Variants in IGSF10 observed in about 807,000 individuals in gnomAD.
IGSF10 encodes the protein immunoglobulin superfamily member 10, also known as calvaria mechanical force protein 608.
IGSF10 carries 126 observed loss-of-function variants against 128.2 expected under a neutral mutation model. The ratio of observed to expected loss-of-function variants is 0.98; its 90% CI spans 0.85 to 1.14. The LOEUF is 1.14. Among genes scored for constraint, IGSF10 ranks in the 50% most tolerant of loss-of-function variants. The pLI is 0.00. For missense variants in IGSF10, 3,295 were observed against 3,149.8 expected (o/e 1.05, Z -1.10); for synonymous variants, 1,185 against 1,146.2 (o/e 1.03, Z -0.68).
At chr3:151,552,764 C>T in the IGSF10 span, among the ~76,000 whole-genome samples, 3 of 152,142 alleles carry the variant, frequency 2.0e-5, no homozygotes, top group East Asian at 1.9e-4. Flanking sequence ...TCTCATAGTT[C>T]GCTTTGCCTA....
At chr3:151,618,042 T>A in the IGSF10 span, among the ~76,000 whole-genome samples, 1 of 152,212 alleles carries the variant, frequency 6.6e-6, no homozygotes, top group Admixed American at 6.5e-5. Flanking sequence ...TTCAAAGATT[T>A]AAACCTAATC....
chr3:151,515,015 T>C, the IGSF10 span, among the ~76,000 whole-genome samples: 1 of 152,318 alleles, frequency 6.6e-6, no homozygotes, highest in South Asian at 2.1e-4. Flanking sequence ...TTTACACTGT[T>C]GGTGGGACTG....
chr3:151,541,984 T>C, the IGSF10 span, among the ~76,000 whole-genome samples: 1 of 152,156 alleles, frequency 6.6e-6, no homozygotes, highest in South Asian at 2.1e-4. Context: ...TTTTCCTGAG[T>C]TGTTCCTTAA....
chr3:151,466,749 T>C, the IGSF10 span, among the ~76,000 whole-genome samples: 45 of 152,166 alleles, frequency 3.0e-4, no homozygotes, highest in Admixed American at 7.2e-4. Flanking sequence ...CAGCTAATTT[T>C]TGTATTTTTA....
the IGSF10 span, among the ~76,000 whole-genome samples, chr3:151,501,254 C>T: frequency 6.6e-6 from 1 of 152,108 alleles, no homozygotes; most frequent in East Asian, 1.9e-4. Flanking sequence ...GTCTTCCGCA[C>T]TTTTGTTATG....
chr3:151,493,168 G>C, the IGSF10 span, among the ~76,000 whole-genome samples: 1 of 152,034 alleles, frequency 6.6e-6, no homozygotes, highest in Non-Finnish European at 1.5e-5. Flanking sequence ...GAGGGTAGGG[G>C]TCAAAGAATA....
the IGSF10 span, among the ~76,000 whole-genome samples, chr3:151,523,111 G>T: frequency 6.6e-6 from 1 of 152,066 alleles, no homozygotes; most frequent in Non-Finnish European, 1.5e-5. Context: ...GCTAACCAGG[G>T]AGCTGAAAGG....
At chr3:151,527,773 C>T in the IGSF10 span, among the ~76,000 whole-genome samples, 2 of 149,744 alleles carry the variant, frequency 1.3e-5, no homozygotes, top group African/African-American at 4.9e-5. Context: ...AACATGGTGA[C>T]ACCCTGTCTC....
At chr3:151,511,679 TAA>T in the IGSF10 span, among the ~76,000 whole-genome samples, 1 of 152,086 alleles carries the variant, frequency 6.6e-6, no homozygotes, top group Non-Finnish European at 1.5e-5. Context: ...GCAAATTGGA[TAA>T]AGAGTCAAGA....
At chr3:151,465,021 G>A (rs1722231640), upstream of IGSF10, among the ~76,000 whole-genome samples, 1 of 152,172 alleles carries the variant, frequency 6.6e-6, no homozygotes, top group African/African-American at 2.4e-5. Flanking sequence ...TGAAGCAAAT[G>A]CATGGTCCTC....
At chr3:151,564,897 T>C in the IGSF10 span, among the ~76,000 whole-genome samples, 131 of 152,288 alleles carry the variant, frequency 8.6e-4, 3 homozygotes, top group East Asian at 0.023. Flanking sequence ...AATGGTTAAA[T>C]GTTCATTGAA....
At chr3:151,452,490 G>C (rs1362770247) in intron 5 of IGSF10, among the ~76,000 whole-genome samples, 2 of 152,052 alleles carry the variant, frequency 1.3e-5, no homozygotes, top group Non-Finnish European at 2.9e-5. Flanking sequence ...AATGTCACTA[G>C]GCAATAGTTT....
intron 4 of IGSF10, among the ~76,000 whole-genome samples, chr3:151,456,043 C>T (rs1721774702): frequency 6.6e-6 from 1 of 152,132 alleles, no homozygotes; most frequent in Non-Finnish European, 1.5e-5. Flanking sequence ...GTTCAATCTC[C>T]AACTCAATGT....
the IGSF10 span, among the ~76,000 whole-genome samples, chr3:151,576,284 A>T: frequency 6.6e-6 from 1 of 152,028 alleles, no homozygotes; most frequent in Admixed American, 6.6e-5. Flanking sequence ...TTTGGTCTTA[A>T]TTTAGGTCTT....
chr3:151,522,968 AAAC>A, the IGSF10 span, among the ~76,000 whole-genome samples: 1 of 151,976 alleles, frequency 6.6e-6, no homozygotes, highest in African/African-American at 2.4e-5. Flanking sequence ...TTCAGCTGAT[AAAC>A]AACTTCAGTA....
At chr3:151,584,295 C>G in the IGSF10 span, among the ~76,000 whole-genome samples, 1 of 152,160 alleles carries the variant, frequency 6.6e-6, no homozygotes, top group Non-Finnish European at 1.5e-5. Flanking sequence ...TTGCATAGTA[C>G]ATCTTTCCGT....
the IGSF10 span, chr3:151,499,551 T>TA: frequency 5.9e-5 from 9 of 152,242 alleles, no homozygotes; most frequent in African/African-American, 2.2e-4. Flanking sequence ...TGGCACTCTA[T>TA]AAACTCTCTA....
the IGSF10 span, among the ~76,000 whole-genome samples, chr3:151,533,785 A>C: frequency 3.0e-4 from 45 of 152,344 alleles, no homozygotes; most frequent in Non-Finnish European, 6.3e-4. Context: ...AATGGCAACA[A>C]AAGCCAAAAT....
At chr3:151,482,305 C>T in the IGSF10 span, among the ~76,000 whole-genome samples, 1 of 151,954 alleles carries the variant, frequency 6.6e-6, no homozygotes, top group African/African-American at 2.4e-5. Context: ...TCAATGAAAC[C>T]AGAAAAGGAA....
Sources: allele counts gnomAD v4.1 joint callset (sites outside exome capture counted in the v4.1 genomes callset), GRCh38; gene constraint gnomAD v4.1.1; transcripts MANE v1.5; gene names NCBI Gene and HGNC (gene_info 2026-07-23, HGNC 2026-07-21).